EDNRB: variants seen among roughly 807,000 people sequenced by gnomAD.
EDNRB encodes Hirschsprung disease 2.
A neutral mutation model predicts 46.4 loss-of-function variants in EDNRB; 18 were observed. The ratio of observed to expected loss-of-function variants is 0.39; its 90% confidence interval spans 0.27 to 0.57. The LOEUF is 0.57. EDNRB is among the 20% of genes least tolerant of loss of function. The pLI, the probability that EDNRB is intolerant of heterozygous loss-of-function variation, is 0.61. For synonymous variants in EDNRB, 213 were observed against 204.9 expected, an observed-to-expected ratio of 1.04 and a Z score of -0.34; for missense variants, 434 against 537.5, an observed-to-expected ratio of 0.81 and a Z score of 1.90.
intron 1 of EDNRB, among the ~76,000 whole-genome samples, chr13:77,936,706 C>A (rs1316769648): frequency 6.6e-6 from 1 of 152,206 alleles, no homozygotes; most frequent in African/African-American, 2.4e-5. Context: ...GGGTCCTGCA[C>A]AGATGGGACA....
intron 1 of EDNRB, among the ~76,000 whole-genome samples, chr13:77,931,070 G>C (rs1880383011): frequency 6.6e-6 from 1 of 152,136 alleles, no homozygotes; most frequent in African/African-American, 2.4e-5. Flanking sequence ...CATCTAAATA[G>C]TTGCTGCCCA....
At position 77,899,217 on chromosome 13, in the gene EDNRB, T is replaced by G. The variant is rs12720198; in HGVS notation, c.1194+642A>C. ...TACGCGGGAGCTACGTTCTTAGCTT[T>G]CCAGTAGTGAAATACCATGGACAAA... On this transcript the variant is annotated intron_variant, in intron 6 of 6. Transcript: ENST00000646607. Among the ~76,000 whole-genome samples, 521 of 152,010 alleles carry G rather than the reference T, an allele frequency of 3.4e-3. 2 individuals are homozygous for G. Among genetic ancestry groups the G allele is most frequent in the African/African-American group, 0.011 (449 of 41,530 alleles).
In EDNRB at chr13:77,898,334, A is replaced by G. The variant is rs750260325; in HGVS notation, c.1195T>C (p.Ser399Pro). The change falls in exon 7 of 7, where the codon TCA becomes CCA. Residue 399 changes from serine to proline, a missense_variant and splice_region_variant. Transcript: ENST00000646607. ...GACTGGCACCAGCAGCATAAGCATG[A>G]CTGTACAAAACAAAGTAACTCATTA... is the stretch of plus-strand genomic sequence containing the variant. ...VSKRFKNCFK[S>P]CLCCWCQSFE... 6.2e-7 allele frequency: 1 copy of G among 1,611,548 alleles called. No homozygotes were observed. The highest frequency in any genetic ancestry group is 8.5e-7 in the Non-Finnish European group (1 of 1,178,530).
intron 1 of EDNRB, among the ~76,000 whole-genome samples, chr13:77,961,796 A>C (rs1464775777): frequency 6.6e-6 from 1 of 152,230 alleles, no homozygotes; most frequent in African/African-American, 2.4e-5. Context: ...GAACTGAAGG[A>C]GATAGAGACA....
chr13:77,929,491 CT>C (rs1311122489), intron 1 of EDNRB, among the ~76,000 whole-genome samples: 1 of 152,156 alleles, frequency 6.6e-6, no homozygotes, highest in African/African-American at 2.4e-5. Flanking sequence ...ATTTCCCCTT[CT>C]GTAACTAATA....
chr13:77,950,030 G>A (rs1266205586), intron 1 of EDNRB, among the ~76,000 whole-genome samples: 1 of 152,110 alleles, frequency 6.6e-6, no homozygotes, highest in Non-Finnish European at 1.5e-5. Context: ...GGTTTGGGTT[G>A]CAAGCCAATA....
chr13:77,907,606 AAAT>A (rs1325699184), intron 1 of EDNRB, among the ~76,000 whole-genome samples: 2 of 151,988 alleles, frequency 1.3e-5, no homozygotes, highest in Admixed American at 1.3e-4. Flanking sequence ...TATTTTATTC[AAAT>A]AATGTACAAA....
intron 1 of EDNRB, among the ~76,000 whole-genome samples, chr13:77,913,836 A>G (rs767854091): frequency 1.3e-5 from 2 of 152,176 alleles, no homozygotes; most frequent in Non-Finnish European, 2.9e-5. Flanking sequence ...GTAGTGGAAC[A>G]CCAGGCTCTC....
chr13:77,957,046 T>C (rs1248408322), intron 1 of EDNRB, among the ~76,000 whole-genome samples: 2 of 152,236 alleles, frequency 1.3e-5, no homozygotes, highest in African/African-American at 4.8e-5. Flanking sequence ...AGTATCTTTG[T>C]GATTTGTGTG....
In EDNRB at chr13:77,918,653, G is replaced by A. The variant is rs772876091; in HGVS notation, c.-80C>T. 2 of 1,489,814 alleles carry A rather than the reference G, an allele frequency of 1.3e-6. No individual in the cohort carries two copies. The highest frequency in any genetic ancestry group is 1.8e-6 in the Non-Finnish European group (2 of 1,130,516). The allele number at this position is 1,489,814 out of a possible 1,614,324, so 92.3% of individuals were successfully genotyped here. A position where few individuals can be genotyped will look rare whatever the true frequency, so the allele number is the denominator to read the frequency against. On this transcript the variant is annotated 5_prime_UTR_variant, in exon 1 of 7. Coordinates refer to ENST00000646607, the MANE Select transcript of EDNRB (RefSeq NM_001122659.3). This position sits in a 1 kb window ranked among gnomAD's most constrained non-coding sequence, Gnocchi z 4.5. The stretch of plus-strand genomic sequence containing the variant: ...GAGACAAGCAGAGGAAGGAAGACAG[G>A]ACACTTGGGTCAGCTGCCCGAGCCA...
upstream of EDNRB, among the ~76,000 whole-genome samples, chr13:77,920,928 G>A (rs934168967): frequency 1.3e-5 from 2 of 152,090 alleles, no homozygotes; most frequent in African/African-American, 4.8e-5. Flanking sequence ...GGCTCCTGTG[G>A]GGTGACTTTT....
intron 1 of EDNRB, among the ~76,000 whole-genome samples, chr13:77,963,206 A>T (rs1200153009): frequency 6.6e-6 from 1 of 152,236 alleles, no homozygotes; most frequent in African/African-American, 2.4e-5. Context: ...CAAGTAATTT[A>T]TAGAGTCAAT....
intron 1 of EDNRB, among the ~76,000 whole-genome samples, chr13:77,911,218 C>T (rs1405193427): frequency 1.3e-5 from 2 of 152,028 alleles, no homozygotes; most frequent in Non-Finnish European, 2.9e-5. Flanking sequence ...TATCTGAAGA[C>T]ACAGAAGAAT....
intron 1 of EDNRB, among the ~76,000 whole-genome samples, chr13:77,970,501 G>A (rs1256329686): frequency 6.6e-6 from 1 of 152,096 alleles, no homozygotes; most frequent in Non-Finnish European, 1.5e-5. Flanking sequence ...TGTGAATGGG[G>A]GTCTGGTATC....
chr13:77,941,383 A>G (rs1371284453), intron 1 of EDNRB, among the ~76,000 whole-genome samples: 1 of 152,148 alleles, frequency 6.6e-6, no homozygotes, highest in Non-Finnish European at 1.5e-5. Context: ...TGGTTTGTCT[A>G]TTCTCTGTTC....
At chr13:77,905,549 G>A (rs1481218127) in intron 1 of EDNRB, among the ~76,000 whole-genome samples, 5 of 151,904 alleles carry the variant, frequency 3.3e-5, no homozygotes, top group Non-Finnish European at 7.4e-5. Context: ...TGCTCTCATG[G>A]AGTTTACACT....
chr13:77,896,782 T>G lies in EDNRB; in HGVS notation c.*1418A>C. Reference sequence around the variant, plus strand: ...CTCCAACCCCACCTCATTTCCTCTCTCTTCCGTTTTCTCTTGTACATACTT... The same window carrying G: ...CTCCAACCCCACCTCATTTCCTCTCGCTTCCGTTTTCTCTTGTACATACTT... On this transcript the variant is annotated 3_prime_UTR_variant, in exon 7 of 7. Coordinates refer to ENST00000646607, the MANE Select transcript of EDNRB (RefSeq NM_001122659.3). The G allele has an allele frequency of 3.1e-6, 4 of 1,301,780 alleles. No homozygotes were observed. The highest frequency in any genetic ancestry group is 3.9e-6 in the Non-Finnish European group (4 of 1,024,242). 80.6% of individuals were successfully genotyped at this position (1,301,780 alleles called of 1,614,324 possible).
In EDNRB at chr13:77,903,576, T is replaced by G. The variant is rs778187586; in HGVS notation, c.515A>C (p.Glu172Ala). The G allele has an allele frequency of 1.2e-6, 2 of 1,612,794 alleles. No homozygotes were observed. Among genetic ancestry groups the G allele is most frequent in the Non-Finnish European group, 1.7e-6 (2 of 1,179,216 alleles). The stretch of plus-strand genomic sequence containing the variant: ...TATGAAAGGCACCAGCTTACACATC[T>G]CAGCTCCAAATGGCCAGTCCTCTGC... ...LLAEDWPFGA[E>A]MCKLVPFIQK... Residue 172 changes from glutamate to alanine, a missense_variant, in exon 2 of 7, where the codon GAG (glutamate) becomes GCG (alanine). Coordinates refer to ENST00000646607, the MANE Select transcript of EDNRB (RefSeq NM_001122659.3).
At chr13:77,966,075 G>T (rs544674666) in intron 1 of EDNRB, among the ~76,000 whole-genome samples, 2 of 152,124 alleles carry the variant, frequency 1.3e-5, no homozygotes, top group South Asian at 4.2e-4. Flanking sequence ...TTTTTGAAGA[G>T]ATAGAGTCTT....
Sources: gnomAD v4.1 joint callset for allele counts (sites outside exome capture counted in the v4.1 genomes callset) on GRCh38, gnomAD v4.1.1 for gene constraint, Gnocchi (gnomAD v3.1) non-coding constraint, MANE v1.5 for transcripts, NCBI Gene and HGNC (gene_info 2026-07-23, HGNC 2026-07-21) for gene names.